GLRX3: variants seen among roughly 807,000 people sequenced by gnomAD.
GLRX3 encodes the protein glutaredoxin-3.
Under a neutral mutation model 49.5 loss-of-function variants are expected in GLRX3, and 22 were observed. The ratio of observed to expected loss-of-function variants is 0.44; its 90% CI spans 0.32 to 0.63. The LOEUF (loss-of-function observed/expected upper bound fraction) is 0.63. GLRX3 is among the 30% of genes least tolerant of loss of function. GLRX3 has a pLI of 0.05. For synonymous variants in GLRX3, 133 were observed against 140.0 expected, an observed-to-expected ratio of 0.95 and a Z score of 0.35; for missense variants, 385 against 396.3, an observed-to-expected ratio of 0.97 and a Z score of 0.24.
chr10:130,168,533 C>T (rs1273462804), intron 6 of GLRX3, among the ~76,000 whole-genome samples: 1 of 152,228 alleles, frequency 6.6e-6, no homozygotes, highest in East Asian at 1.9e-4. Flanking sequence ...CAAGCTCCGC[C>T]TCCCGGGTTC....
chr10:130,148,217 C>T (rs745367492), intron 2 of GLRX3, among the ~76,000 whole-genome samples: 33 of 152,030 alleles, frequency 2.2e-4, no homozygotes, highest in Non-Finnish European at 4.1e-4. Context: ...ACTGCAGCCT[C>T]TACCTCCCAG....
intron 8 of GLRX3, among the ~76,000 whole-genome samples, chr10:130,173,485 T>G (rs2134925639): frequency 6.6e-6 from 1 of 152,314 alleles, no homozygotes; most frequent in Middle Eastern, 3.4e-3. Context: ...TTTTTCTCAT[T>G]TCTTATCTTT....
chr10:130,160,766 A>G (rs377473045), intron 3 of GLRX3, 30 bp from the exon 4 acceptor site: 5 of 1,147,854 alleles, frequency 4.4e-6, no homozygotes, highest in African/African-American at 1.5e-5. Flanking sequence ...GGAATGCTGC[A>G]TGTATTCTAA....
At chr10:130,175,172 G>A in intron 10 of GLRX3, 83 bp downstream of exon 10, 2 of 825,116 alleles carry the variant, frequency 2.4e-6, no homozygotes, top group Admixed American at 2.0e-5. Flanking sequence ...ATGGAAACTT[G>A]AGAGTTGTTT....
At chr10:130,161,918 G>A (rs1244236388) in intron 4 of GLRX3, among the ~76,000 whole-genome samples, 2 of 152,182 alleles carry the variant, frequency 1.3e-5, no homozygotes, top group Non-Finnish European at 2.9e-5. Flanking sequence ...TCCCTGTAGG[G>A]TTATTAAATT....
chr10:130,151,275 A>G (rs1360917901), intron 2 of GLRX3, among the ~76,000 whole-genome samples: 1 of 152,170 alleles, frequency 6.6e-6, no homozygotes. Context: ...TATCTGTGCT[A>G]TCTTGGTAAT....
At position 130,169,640 on chromosome 10, in the gene GLRX3, TCAAA is replaced by T. The variant is rs563445205; in HGVS notation, c.771+155_771+158del. The T allele has an allele frequency of 1.1e-3, 670 of 612,384 alleles. 2 individuals are homozygous for T. The African/African-American group carries it at 0.012, about 11-fold the overall frequency. The allele number at this position is 612,384 out of a possible 1,614,324, so 37.9% of individuals were successfully genotyped here. Reference sequence around the variant, plus strand: ...ACGCCTTAATTGGTGCTTACGGAGATCAAACAAAGTAATCTACATTTTGCTTGAC... The same window carrying T: ...ACGCCTTAATTGGTGCTTACGGAGATCAAAGTAATCTACATTTTGCTTGAC... On this transcript the variant is annotated intron_variant, in intron 7 of 10. Transcript: ENST00000331244.
In GLRX3 at chr10:130,174,979, T is replaced by A. The variant is rs763683628; in HGVS notation, c.865-18T>A. 2.5e-6 allele frequency: 4 copies of A among 1,586,516 alleles called. No individual in the cohort carries two copies. Among genetic ancestry groups the A allele is most frequent in the Non-Finnish European group, 3.5e-6 (4 of 1,154,958 alleles). On this transcript the variant is annotated intron_variant, in intron 9 of 10. Transcript: ENST00000331244. ...AGGGCCTGATAGGATGGTTTCAGGA[T>A]TCCTGTTGTTTCTTTAGGTTCGGCA...
At chr10:130,143,889 G>A (rs1371188798) in intron 1 of GLRX3, among the ~76,000 whole-genome samples, 1 of 151,964 alleles carries the variant, frequency 6.6e-6, no homozygotes, top group African/African-American at 2.4e-5. Context: ...AGTAGAGTTG[G>A]GGTTTCACCA....
chr10:130,145,246 C>T lies in GLRX3; in HGVS notation c.128C>T (p.Ala43Val). ...LLVVHFWAPW[A>V]PQCAQMNEVM... The stretch of plus-strand genomic sequence containing the variant: ...GTGGTCCATTTCTGGGCACCATGGG[C>T]TCCACAGTGTGCACAGATGAACGAA... The change falls in exon 2 of 11, where the codon GCT (alanine) becomes GTT (valine). Residue 43 changes from alanine to valine, a missense_variant. Ala to Val is a moderately conservative substitution (Grantham distance 64, BLOSUM62 0). This residue lies in a region of GLRX3 where 374 missense variants were observed against 358.6 expected (regional missense o/e 1.04). Transcript: ENST00000331244. 1 of 1,554,224 alleles carries T rather than the reference C, an allele frequency of 6.4e-7. No individual in the cohort carries two copies. Among genetic ancestry groups the T allele is most frequent in the South Asian group, 1.1e-5 (1 of 88,350 alleles).
chr10:130,162,483 A>G (rs922509977), intron 4 of GLRX3, among the ~76,000 whole-genome samples: 1 of 152,194 alleles, frequency 6.6e-6, no homozygotes, highest in East Asian at 1.9e-4. Flanking sequence ...TCCATGAAAC[A>G]TGAAAATTAT....
intron 1 of GLRX3, among the ~76,000 whole-genome samples, chr10:130,137,189 TGA>T (rs1295273187): frequency 6.6e-6 from 1 of 152,172 alleles, no homozygotes; most frequent in Non-Finnish European, 1.5e-5. Flanking sequence ...ACTGGTGTAG[TGA>T]GAGTCTGTTC....
rs146602500 is a variant in GLRX3 at position 130,161,568 on chromosome 10, C to G, written c.478+571C>G. On this transcript the variant is annotated intron_variant, in intron 4 of 10. Coordinates refer to ENST00000331244, the MANE Select transcript of GLRX3 (RefSeq NM_006541.5). ...ATAGCTGCTGGTAATGGAAAGATTCCGAATTCTTGGCTTGTAGTCACTCTT... is the reference window on the plus strand; with the variant it reads ...ATAGCTGCTGGTAATGGAAAGATTCGGAATTCTTGGCTTGTAGTCACTCTT... Among the ~76,000 whole-genome samples the G allele has an allele frequency of 7.2e-3, 1,093 of 152,208 alleles. 21 individuals are homozygous for G. The highest frequency in any genetic ancestry group is 0.025 in the African/African-American group (1,027 of 41,536).
chr10:130,175,021 T>C lies in GLRX3; in HGVS notation c.889T>C (p.Ser297Pro). The C allele has an allele frequency of 1.9e-6, 3 of 1,610,002 alleles. No individual in the cohort carries two copies. Among genetic ancestry groups the C allele is most frequent in the Non-Finnish European group, 2.6e-6 (3 of 1,176,320 alleles). ...GGTTCGGCAAGGATTAAAAGCTTAC[T>C]CAAATTGGCCAACATACCCTCAGCT... Reference protein sequence around the residue: ...EEVRQGLKAYSNWPTYPQLYV... With the variant: ...EEVRQGLKAYPNWPTYPQLYV... The change falls in exon 10 of 11, where the codon TCA becomes CCA. Residue 297 changes from serine to proline, a missense_variant. Around this residue, in one of 2 missense-constraint regions of GLRX3, gnomAD observed 374 missense variants for 358.6 expected, o/e 1.04. Transcript: ENST00000331244.
Position 130,166,612 on chromosome 10 carries a change from C to T in GLRX3, c.584C>T (p.Ser195Phe). The change falls in exon 5 of 11, where the codon TCC becomes TTC. Residue 195 changes from serine (S) to phenylalanine (F), a missense_variant. Physicochemically the swap from Ser to Phe is radical, Grantham distance 155 (BLOSUM62 -2). Around this residue, in one of 2 missense-constraint regions of GLRX3, gnomAD observed 374 missense variants for 358.6 expected, o/e 1.04. Coordinates refer to ENST00000331244, the MANE Select transcript of GLRX3 (RefSeq NM_006541.5). Reference sequence around the variant, plus strand: ...GTTCGACAGGGACTCAAAGCCTATTCCAGTTGGCCTACCTATCCTCAGCTC... The same window carrying T: ...GTTCGACAGGGACTCAAAGCCTATTTCAGTTGGCCTACCTATCCTCAGCTC... ...EEVRQGLKAY[S>F]SWPTYPQLYV... 6.2e-7 allele frequency: 1 copy of T among 1,610,012 alleles called. No individual in the cohort carries two copies. The highest frequency in any genetic ancestry group is 8.5e-7 in the Non-Finnish European group (1 of 1,176,266).
chr10:130,172,963 C>CTT (rs1862841819), intron 8 of GLRX3, among the ~76,000 whole-genome samples: 1 of 152,178 alleles, frequency 6.6e-6, no homozygotes. Flanking sequence ...TGGTTGTCGT[C>CTT]TTTAGATTAC....
chr10:130,146,119 G>A (rs930106632), intron 2 of GLRX3, among the ~76,000 whole-genome samples: 2 of 152,176 alleles, frequency 1.3e-5, no homozygotes, highest in South Asian at 4.1e-4. Context: ...GATCATCCTC[G>A]GGTGTGAGGC....
intron 2 of GLRX3, among the ~76,000 whole-genome samples, chr10:130,148,897 T>C (rs1015151839): frequency 3.3e-5 from 5 of 152,006 alleles, no homozygotes; most frequent in Non-Finnish European, 7.4e-5. Flanking sequence ...ACTTCATCTC[T>C]ACAGAATAAA....
intron 4 of GLRX3, 136 bp downstream of exon 4, chr10:130,161,133 CA>C: frequency 4.7e-6 from 3 of 643,852 alleles, no homozygotes; most frequent in Non-Finnish European, 8.1e-6. Flanking sequence ...TTTAGAAAAT[CA>C]AAAAGGTTAT....
Sources: gnomAD v4.1 joint callset for allele counts (sites outside exome capture counted in the v4.1 genomes callset) on GRCh38, gnomAD v4.1.1 for gene constraint, gnomAD v4.1.1 regional missense constraint, MANE v1.5 for transcripts, NCBI Gene and HGNC (gene_info 2026-07-23, HGNC 2026-07-21) for gene names.